Variants in EIF3B observed in about 807,000 individuals in gnomAD.
The protein encoded by EIF3B is eukaryotic translation initiation factor 3 subunit B, also known as eukaryotic translation initiation factor 3 subunit 9.
Under a neutral mutation model 104.6 loss-of-function variants are expected in EIF3B, and 10 were observed. The observed-to-expected ratio is 0.10, with a 90% CI of 0.06 to 0.16. EIF3B has a LOEUF of 0.16. Among genes scored for constraint, EIF3B ranks in the 10% least tolerant of loss-of-function variants. The probability of loss-of-function intolerance (pLI) is 1.00; values close to 1 mark genes in which losing one functional copy is unlikely to be tolerated. For synonymous variants in EIF3B, 542 were observed against 417.2 expected, an observed-to-expected ratio of 1.30 and a Z score of -3.65; for missense variants, 1,014 against 1,087.9, an observed-to-expected ratio of 0.93 and a Z score of 0.96.
At chr7:2,356,401 A>G (rs1396763326) in intron 1 of EIF3B, among the ~76,000 whole-genome samples, 1 of 152,038 alleles carries the variant, frequency 6.6e-6, no homozygotes, top group Non-Finnish European at 1.5e-5. Flanking sequence ...TCACGAGGTC[A>G]CCATCCTGGC....
chr7:2,373,006 C>T (rs538910554), intron 12 of EIF3B: 11 of 399,006 alleles, frequency 2.8e-5, no homozygotes, highest in African/African-American at 2.3e-4. Flanking sequence ...CCCGTTGAGC[C>T]CTCACGTTTA....
In EIF3B at chr7:2,362,819, G is replaced by C. The variant is rs536347353; in HGVS notation, c.812+55G>C. On this transcript the variant is annotated intron_variant, in intron 3 of 18. Coordinates refer to ENST00000360876, the MANE Select transcript of EIF3B (RefSeq NM_001037283.2). ...GACGTTGACGTGCAAGTGACTGGCT[G>C]TGTGCGGGTGGCTTGGTGCTTCTCG... is the stretch of plus-strand genomic sequence containing the variant. 4 of 1,609,462 alleles carry C rather than the reference G, an allele frequency of 2.5e-6. No homozygotes were observed. In the African/African-American group the frequency reaches 4.0e-5, roughly 16 times the overall value.
Position 2,376,959 on chromosome 7 carries a change from G to A in EIF3B, c.2038G>A (p.Ala680Thr), listed in dbSNP as rs758187488. The change falls in exon 15 of 19, where the codon GCG becomes ACG. Residue 680 changes from alanine to threonine, a missense_variant. Transcript: ENST00000360876. ...CCCTGCCCTGGCCTAGGTGGACAAC[G>A]CGTACTGGCTGTGGACTTTCCAGGG... Reference protein sequence around the residue: ...VSWWSHKVDNAYWLWTFQGRL... With the variant: ...VSWWSHKVDNTYWLWTFQGRL... 17 of 1,613,728 alleles carry A rather than the reference G, an allele frequency of 1.1e-5. No homozygotes were observed. In the East Asian group the frequency reaches 2.2e-4, roughly 21 times the overall value.
At position 2,372,773 on chromosome 7, in the gene EIF3B, C is replaced by G; in HGVS notation, c.1788C>G (p.Asn596Lys). ...CTGTGTCTTTCTACCACGTCAAAAA[C>G]AACGGGAAGATTGAACTCATCAGTA... ...RISVSFYHVK[N>K]NGKIELIKMF... The change falls in exon 12 of 19, where the codon AAC becomes AAG. Residue 596 changes from asparagine to lysine, a missense_variant. By Grantham distance (94) the Asn-to-Lys change is moderately conservative. Coordinates refer to ENST00000360876, the MANE Select transcript of EIF3B (RefSeq NM_001037283.2). The G allele has an allele frequency of 6.2e-7, 1 of 1,614,122 alleles. No individual in the cohort carries two copies. Among genetic ancestry groups the G allele is most frequent in the Non-Finnish European group, 8.5e-7 (1 of 1,180,002 alleles).
chr7:2,379,605 GGGGTGAA>G, intron 18 of EIF3B, 94 bp downstream of exon 18: 1 of 804,446 alleles, frequency 1.2e-6, no homozygotes, highest in East Asian at 2.7e-5. Context: ...CTTTAAGGCA[GGGGTGAA>G]GGGTGAAGCC....
intron 1 of EIF3B, among the ~76,000 whole-genome samples, chr7:2,357,449 G>A (rs891590897): frequency 6.6e-6 from 1 of 152,238 alleles, no homozygotes; most frequent in Admixed American, 6.5e-5. Flanking sequence ...GTAGGTGACT[G>A]TATCAGTTCT....
Position 2,367,119 on chromosome 7 carries a change from A to AC in EIF3B, c.1403+75dup, listed in dbSNP as rs1282984905. On this transcript the variant is annotated intron_variant, in intron 9 of 18. Transcript: ENST00000360876. ...CACAATACCAAAAAAAAAAAAAAAAACACAATACCATAGGCTGGGTGGCTT... is the reference window on the plus strand; with the variant it reads ...CACAATACCAAAAAAAAAAAAAAAAACCACAATACCATAGGCTGGGTGGCTT... The AC allele has an allele frequency of 9.5e-6, 10 of 1,052,238 alleles. No individual in the cohort carries two copies. In the South Asian group the frequency reaches 1.0e-4, roughly 11 times the overall value. 65.2% of individuals were successfully genotyped at this position (1,052,238 alleles called of 1,614,324 possible).
intron 1 of EIF3B, among the ~76,000 whole-genome samples, chr7:2,356,899 C>A (rs1779477066): frequency 6.6e-6 from 1 of 151,946 alleles, no homozygotes; most frequent in Non-Finnish European, 1.5e-5. Flanking sequence ...GCAGGAAGGA[C>A]ACCACAAACT....
At chr7:2,371,250 G>T (rs1440582677) in intron 10 of EIF3B, among the ~76,000 whole-genome samples, 1 of 152,206 alleles carries the variant, frequency 6.6e-6, no homozygotes, top group Non-Finnish European at 1.5e-5. Flanking sequence ...CGTTCCCACA[G>T]CTGGTCCACG....
chr7:2,360,091 C>T (rs1779650753), intron 1 of EIF3B, among the ~76,000 whole-genome samples: 1 of 152,146 alleles, frequency 6.6e-6, no homozygotes, highest in Non-Finnish European at 1.5e-5. Flanking sequence ...TGTGAATGGC[C>T]ATCCAGTTCA....
At chr7:2,362,093 G>C (rs899318287) in intron 2 of EIF3B, among the ~76,000 whole-genome samples, 3 of 152,156 alleles carry the variant, frequency 2.0e-5, no homozygotes, top group African/African-American at 7.2e-5. Flanking sequence ...CTGAGTAGCT[G>C]GGATTATAAG....
intron 1 of EIF3B, among the ~76,000 whole-genome samples, chr7:2,357,313 G>A (rs1450026890): frequency 6.6e-6 from 1 of 152,178 alleles, no homozygotes; most frequent in Non-Finnish European, 1.5e-5. Context: ...CAGAGTGACA[G>A]GTGAGGCATC....
At chr7:2,364,641 A>G (rs1583160816) in intron 6 of EIF3B, 112 bp downstream of exon 6, 3 of 1,003,240 alleles carry the variant, frequency 3.0e-6, no homozygotes. Context: ...ATACGGGAGT[A>G]TGCAGAACGC....
chr7:2,360,270 T>G (rs886598919), intron 1 of EIF3B, among the ~76,000 whole-genome samples: 2 of 152,254 alleles, frequency 1.3e-5, no homozygotes, highest in South Asian at 4.1e-4. Flanking sequence ...ACTTGTTTGC[T>G]AAAATCTTCT....
At position 2,357,316 on chromosome 7, in the gene EIF3B, G is replaced by GA. The variant is rs563826180; in HGVS notation, c.499+1897dup. ...TGCAGTGTTGGCCAGAGTGACAGGT[G>GA]AGGCATCTGGTCCTGAGGACTAAGG... On this transcript the variant is annotated intron_variant, in intron 1 of 18. Transcript: ENST00000360876. Among the ~76,000 whole-genome samples, 11 of 152,274 alleles carry GA rather than the reference G, an allele frequency of 7.2e-5. No individual in the cohort carries two copies. The East Asian group carries it at 1.2e-3, about 16-fold the overall frequency.
intron 13 of EIF3B, 60 bp downstream of exon 13, chr7:2,374,666 C>G: frequency 6.7e-7 from 1 of 1,487,900 alleles, no homozygotes; most frequent in Non-Finnish European, 9.3e-7. Context: ...GTGGCAGAGA[C>G]CCCTCAGGCG....
At chr7:2,372,316 C>T (rs1303802609) in intron 11 of EIF3B, 3 of 242,986 alleles carry the variant, frequency 1.2e-5, no homozygotes, top group East Asian at 8.6e-5. Context: ...GAAACATGGC[C>T]GCCCTTCCAG....
At position 2,380,630 on chromosome 7, in the gene EIF3B, G is replaced by A. The variant is rs992029430; in HGVS notation, c.*441G>A. The A allele has an allele frequency of 3.3e-5, 9 of 272,016 alleles. No individual in the cohort carries two copies. Among genetic ancestry groups the A allele is most frequent in the South Asian group, 1.3e-4 (4 of 31,962 alleles). 16.9% of individuals were successfully genotyped at this position (272,016 alleles called of 1,614,324 possible). A position where few individuals can be genotyped will look rare whatever the true frequency, so the allele number is the denominator to read the frequency against. ...ATCCCCATTGCGGGCAGTGCTGGACGTGTCCCGGAGACCCACCGGGAGGGC... is the reference window on the plus strand; with the variant it reads ...ATCCCCATTGCGGGCAGTGCTGGACATGTCCCGGAGACCCACCGGGAGGGC... On this transcript the variant is annotated 3_prime_UTR_variant, in exon 19 of 19. Transcript: ENST00000360876.
chr7:2,372,562 T>C (rs1780411423), intron 11 of EIF3B, 111 bp from the exon 12 acceptor site: 4 of 1,382,972 alleles, frequency 2.9e-6, no homozygotes, highest in Admixed American at 2.2e-5. Flanking sequence ...TAATGAACTT[T>C]TACACGTCGG....
Sources: allele counts gnomAD v4.1 joint callset (sites outside exome capture counted in the v4.1 genomes callset), GRCh38; gene constraint gnomAD v4.1.1; transcripts MANE v1.5; gene names NCBI Gene and HGNC (gene_info 2026-07-23, HGNC 2026-07-21).